Variants in COP1 observed in about 807,000 individuals in gnomAD.
COP1 encodes E3 ubiquitin-protein ligase COP1.
In COP1, 24 loss-of-function variants were observed where a neutral mutation model predicts 101.3. That is an observed-to-expected ratio of 0.24 (90% confidence interval 0.17 to 0.33). The LOEUF is 0.33. Ranked by LOEUF, COP1 falls within the 10% of genes least tolerant of loss-of-function variation. The pLI is 1.00. For synonymous variants in COP1, 347 were observed against 341.9 expected (o/e 1.01, Z -0.17); for missense variants, 663 against 906.2 (o/e 0.73, Z 3.45).
At chr1:176,167,382 C>T (rs1254131467) in intron 3 of COP1, among the ~76,000 whole-genome samples, 2 of 152,056 alleles carry the variant, frequency 1.3e-5, no homozygotes, top group Middle Eastern at 3.4e-3. Flanking sequence ...TGGTCCCTGA[C>T]GCATAGTAGG....
chr1:176,110,564 A>G (rs369705740), intron 9 of COP1, among the ~76,000 whole-genome samples: 16 of 152,320 alleles, frequency 1.1e-4, no homozygotes, highest in African/African-American at 3.6e-4. Flanking sequence ...TGGAAACTTC[A>G]TTATAGCAAG....
chr1:176,188,050 C>T (rs937162247), intron 1 of COP1, among the ~76,000 whole-genome samples: 4 of 151,970 alleles, frequency 2.6e-5, no homozygotes, highest in South Asian at 2.1e-4. Context: ...GCAGGCACTG[C>T]CTGTGTATCA....
chr1:176,083,550 C>T (rs547468267), intron 10 of COP1, among the ~76,000 whole-genome samples: 43 of 152,316 alleles, frequency 2.8e-4, no homozygotes, highest in African/African-American at 9.4e-4. Flanking sequence ...ATCACCTCTC[C>T]TATCCTAATT....
intron 18 of COP1, among the ~76,000 whole-genome samples, chr1:175,953,584 C>T (rs928998543): frequency 6.6e-6 from 1 of 151,430 alleles, no homozygotes; most frequent in African/African-American, 2.4e-5. Flanking sequence ...AAAGTGAGAC[C>T]CTGTCTTAAA....
chr1:175,988,174 A>G (rs1657568893), intron 17 of COP1, 114 bp downstream of exon 17: 4 of 969,728 alleles, frequency 4.1e-6, no homozygotes, highest in African/African-American at 1.6e-5. Context: ...CTATTATACT[A>G]TCTTCTGAGT....
intron 2 of COP1, among the ~76,000 whole-genome samples, chr1:176,181,072 A>G (rs1697678154): frequency 6.6e-6 from 1 of 152,218 alleles, no homozygotes; most frequent in South Asian, 2.1e-4. Flanking sequence ...TGTAAAAGTC[A>G]GATTTCTTAT....
chr1:176,166,772 C>CA (rs1695217973), intron 3 of COP1, among the ~76,000 whole-genome samples: 2 of 151,852 alleles, frequency 1.3e-5, no homozygotes, highest in Non-Finnish European at 2.9e-5. Context: ...CCCGTCTCCA[C>CA]AAAAAAATAC....
At chr1:175,966,280 TACACACACACACAC>T (rs66711924) in intron 18 of COP1, among the ~76,000 whole-genome samples, 16,314 of 150,200 alleles carry the variant, frequency 0.11, 950 homozygotes, top group Middle Eastern at 0.16. Flanking sequence ...GTGTTTGCAA[TACACACACACACAC>T]ACACACACAC....
intron 8 of COP1, among the ~76,000 whole-genome samples, chr1:176,117,647 C>A (rs1686426198): frequency 6.6e-6 from 1 of 152,212 alleles, no homozygotes; most frequent in African/African-American, 2.4e-5. Flanking sequence ...GTAATCCCAG[C>A]ACTTTGGGAG....
At chr1:175,979,957 G>A (rs1292612985) in intron 18 of COP1, among the ~76,000 whole-genome samples, 2 of 152,164 alleles carry the variant, frequency 1.3e-5, no homozygotes, top group African/African-American at 4.8e-5. Flanking sequence ...CAAACACGCT[G>A]TGTAATGCTA....
intron 8 of COP1, among the ~76,000 whole-genome samples, chr1:176,125,555 G>A (rs530070565): frequency 9.9e-5 from 15 of 152,072 alleles, no homozygotes; most frequent in African/African-American, 3.4e-4. Flanking sequence ...GATTTGTTTC[G>A]GGGTCCTCTA....
chr1:176,084,171 A>T (rs1340879797), intron 10 of COP1, among the ~76,000 whole-genome samples: 1 of 152,152 alleles, frequency 6.6e-6, no homozygotes, highest in Non-Finnish European at 1.5e-5. Flanking sequence ...GAAAGGGTTA[A>T]CATGAACTCT....
chr1:176,163,489 G>T (rs1694655079), intron 4 of COP1, among the ~76,000 whole-genome samples: 2 of 152,100 alleles, frequency 1.3e-5, no homozygotes, highest in Non-Finnish European at 2.9e-5. Flanking sequence ...CCAAAGTGTT[G>T]GGATTATAGG....
At chr1:176,190,095 CTG>C (rs1385132589) in intron 1 of COP1, among the ~76,000 whole-genome samples, 1 of 151,982 alleles carries the variant, frequency 6.6e-6, no homozygotes, top group Admixed American at 6.6e-5. Context: ...TAACAAAAAA[CTG>C]AGTATCATTC....
intron 11 of COP1, among the ~76,000 whole-genome samples, chr1:176,059,927 G>A (rs950576581): frequency 2.0e-5 from 3 of 152,074 alleles, no homozygotes; most frequent in African/African-American, 4.8e-5. Flanking sequence ...TTGTTACAAA[G>A]TCAAGCAATG....
chr1:175,968,066 CTA>C (rs1000940334), intron 18 of COP1, among the ~76,000 whole-genome samples: 1 of 152,088 alleles, frequency 6.6e-6, no homozygotes, highest in African/African-American at 2.4e-5. Context: ...CAGGATTTCA[CTA>C]TGTTGGTGCC....
intron 11 of COP1, among the ~76,000 whole-genome samples, chr1:176,047,987 T>G (rs1671802757): frequency 6.7e-6 from 1 of 149,756 alleles, no homozygotes; most frequent in South Asian, 2.3e-4. Context: ...GTGGGAGGAC[T>G]GCTTGAACCC....
intron 15 of COP1, 128 bp from the exon 16 acceptor site, chr1:175,989,607 CAAAG>C (rs1468560773): frequency 1.8e-6 from 1 of 566,764 alleles, no homozygotes; most frequent in East Asian, 2.8e-5. Flanking sequence ...AGCCAGAAAA[CAAAG>C]GAAAAGGAAT....
intron 9 of COP1, among the ~76,000 whole-genome samples, chr1:176,115,873 C>A (rs1686104726): frequency 6.6e-6 from 1 of 152,136 alleles, no homozygotes; most frequent in African/African-American, 2.4e-5. Context: ...AATACTCATA[C>A]AACTAATTCA....
Sources: gnomAD v4.1 joint callset for allele counts (sites outside exome capture counted in the v4.1 genomes callset) on GRCh38, gnomAD v4.1.1 for gene constraint, MANE v1.5 for transcripts, NCBI Gene and HGNC (gene_info 2026-07-23, HGNC 2026-07-21) for gene names.